The following PARP8 variants were observed in gnomAD, a reference collection of about 807,000 sequenced individuals.
PARP8 encodes the protein protein mono-ADP-ribosyltransferase PARP8.
Under a neutral mutation model 124.1 loss-of-function variants are expected in PARP8, and 51 were observed. The ratio of observed to expected loss-of-function variants is 0.41; its 90% CI spans 0.33 to 0.52. The LOEUF (loss-of-function observed/expected upper bound fraction) is 0.52, where lower values mean the gene tolerates loss of function less well. Ranked by LOEUF, PARP8 falls within the 20% of genes least tolerant of loss-of-function variation. The probability of loss-of-function intolerance (pLI) is 0.21; values close to 1 mark genes in which losing one functional copy is unlikely to be tolerated. For synonymous variants in PARP8, 391 were observed against 361.5 expected (o/e 1.08, Z -0.93); for missense variants, 860 against 1,018.9 (o/e 0.84, Z 2.12).
intron 17 of PARP8, 27 bp downstream of exon 17, chr5:50,822,427 G>A (rs761443498): frequency 6.5e-6 from 10 of 1,535,588 alleles, no homozygotes; most frequent in Admixed American, 1.8e-5. Flanking sequence ...GTCTTGTACA[G>A]TATATTTTTA....
intron 16 of PARP8, 26 bp from the exon 17 acceptor site, chr5:50,822,309 T>C (rs756104751): frequency 1.3e-6 from 2 of 1,559,124 alleles, no homozygotes; most frequent in South Asian, 2.2e-5. Context: ...AATGCTGTTT[T>C]TTAACATCAC....
At chr5:50,832,030 C>G (rs1747045928) in intron 22 of PARP8, among the ~76,000 whole-genome samples, 1 of 152,146 alleles carries the variant, frequency 6.6e-6, no homozygotes. Flanking sequence ...TGTCCCCATC[C>G]ACCCCTCCAC....
At chr5:50,722,767 C>A (rs1324597504) in intron 2 of PARP8, among the ~76,000 whole-genome samples, 1 of 152,064 alleles carries the variant, frequency 6.6e-6, no homozygotes, top group Non-Finnish European at 1.5e-5. Context: ...AGATTCTATG[C>A]ATCTGGTATG....
intron 2 of PARP8, among the ~76,000 whole-genome samples, chr5:50,712,350 T>C (rs1754846936): frequency 6.6e-6 from 1 of 152,142 alleles, no homozygotes; most frequent in African/African-American, 2.4e-5. Context: ...GGAGCACCTA[T>C]AATACAACAA....
intron 7 of PARP8, among the ~76,000 whole-genome samples, chr5:50,774,533 C>T (rs1328380709): frequency 4.5e-5 from 6 of 134,012 alleles, no homozygotes; most frequent in Non-Finnish European, 7.9e-5. Context: ...GGTGGCCGGG[C>T]AGAGGCGCTC....
chr5:50,845,969 G>A lies in PARP8; in HGVS notation c.*3901G>A, dbSNP rs1412211048. ...TTTTGTATACATTATGGAATATTAGGATAAGTTTTTGTAGGTCAGAAGAAT... is the reference window on the plus strand; with the variant it reads ...TTTTGTATACATTATGGAATATTAGAATAAGTTTTTGTAGGTCAGAAGAAT... On this transcript the variant is annotated 3_prime_UTR_variant, in exon 26 of 26. Transcript: ENST00000281631. 2.0e-5 allele frequency: 3 copies of A among 151,706 alleles called. No homozygotes were observed. Among genetic ancestry groups the A allele is most frequent in the East Asian group, 3.9e-4 (2 of 5,168 alleles). The allele number at this position is 151,706 out of a possible 1,614,324, so 9.4% of individuals were successfully genotyped here. A position where few individuals can be genotyped will look rare whatever the true frequency, so the allele number is the denominator to read the frequency against.
chr5:50,842,335 GA>G lies in PARP8; in HGVS notation c.*273del, dbSNP rs1561458463. On this transcript the variant is annotated 3_prime_UTR_variant, in exon 26 of 26. Coordinates refer to ENST00000281631, the MANE Select transcript of PARP8 (RefSeq NM_024615.4). ...GGGTTGCTCATACAATAAACAGATTGAAAAAACTGTTTTGTGCTGATATTTT... is the reference window on the plus strand; with the variant it reads ...GGGTTGCTCATACAATAAACAGATTGAAAAACTGTTTTGTGCTGATATTTT... The G allele has an allele frequency of 1.6e-5, 4 of 254,414 alleles. No homozygotes were observed. Among genetic ancestry groups the G allele is most frequent in the Middle Eastern group, 2.5e-3 (2 of 792 alleles). The allele number at this position is 254,414 out of a possible 1,614,324, so 15.8% of individuals were successfully genotyped here. A position where few individuals can be genotyped will look rare whatever the true frequency, so the allele number is the denominator to read the frequency against.
intron 6 of PARP8, among the ~76,000 whole-genome samples, chr5:50,762,439 T>G (rs189841787): frequency 3.2e-4 from 49 of 152,284 alleles, no homozygotes; most frequent in African/African-American, 1.1e-3. Context: ...ATCAGAATTT[T>G]TCAGGATAAT....
chr5:50,798,451 C>T (rs1333998607), intron 14 of PARP8, among the ~76,000 whole-genome samples: 5 of 147,038 alleles, frequency 3.4e-5, no homozygotes, highest in South Asian at 2.1e-4. Flanking sequence ...GACAGAGTCT[C>T]GCTCTGTCAC....
chr5:50,805,702 T>A (rs1325142456), intron 14 of PARP8, among the ~76,000 whole-genome samples: 1 of 152,088 alleles, frequency 6.6e-6, no homozygotes, highest in African/African-American at 2.4e-5. Context: ...TTTATACTTT[T>A]AAAAAACATG....
At chr5:50,751,204 A>AGT (rs1423254564) in intron 3 of PARP8, among the ~76,000 whole-genome samples, 1 of 152,136 alleles carries the variant, frequency 6.6e-6, no homozygotes, top group Admixed American at 6.6e-5. Flanking sequence ...AGATGCCTTT[A>AGT]GTAAACCAAG....
intron 23 of PARP8, 148 bp downstream of exon 23, chr5:50,833,002 G>A (rs1299723240): frequency 3.0e-6 from 2 of 657,278 alleles, no homozygotes; most frequent in Non-Finnish European, 5.2e-6. Context: ...CTGAAATGCA[G>A]TAACTGAATT....
At chr5:50,743,609 A>G (rs1220709256) in intron 2 of PARP8, among the ~76,000 whole-genome samples, 4 of 152,106 alleles carry the variant, frequency 2.6e-5, no homozygotes, top group African/African-American at 9.7e-5. Context: ...CTCAGGTTTC[A>G]ACTGCTGACT....
At chr5:50,828,849 C>T (rs182973305) in intron 21 of PARP8, among the ~76,000 whole-genome samples, 1 of 151,820 alleles carries the variant, frequency 6.6e-6, no homozygotes, top group African/African-American at 2.4e-5. Context: ...TGAGATCACA[C>T]CACTGTACCT....
intron 10 of PARP8, among the ~76,000 whole-genome samples, chr5:50,789,840 C>G (rs1330674347): frequency 1.3e-5 from 2 of 152,104 alleles, no homozygotes. Context: ...TCTATATGAT[C>G]ACTTTTATTT....
chr5:50,669,563 C>T (rs952829698), intron 2 of PARP8: 3 of 152,160 alleles, frequency 2.0e-5, no homozygotes, highest in Non-Finnish European at 2.9e-5. Context: ...GTTTACTTAT[C>T]TGTACAATCA....
chr5:50,822,262 C>T (rs528926464), intron 16 of PARP8, 73 bp from the exon 17 acceptor site: 266 of 1,007,964 alleles, frequency 2.6e-4, no homozygotes, highest in Admixed American at 4.3e-4. Context: ...TAATATATTT[C>T]TCTAGTGATA....
chr5:50,701,786 G>C (rs1753623714), intron 2 of PARP8, among the ~76,000 whole-genome samples: 1 of 152,126 alleles, frequency 6.6e-6, no homozygotes, highest in Non-Finnish European at 1.5e-5. Flanking sequence ...TAGGGTACCT[G>C]CTGAGTTTTT....
intron 25 of PARP8, among the ~76,000 whole-genome samples, chr5:50,841,195 ATTAAT>A (rs1454881933): frequency 6.6e-6 from 1 of 151,880 alleles, no homozygotes; most frequent in African/African-American, 2.4e-5. Flanking sequence ...ATGAAGTAAA[ATTAAT>A]TTGTCACTTG....
Sources: gnomAD v4.1 joint callset for allele counts (sites outside exome capture counted in the v4.1 genomes callset) on GRCh38, gnomAD v4.1.1 for gene constraint, MANE v1.5 for transcripts, NCBI Gene and HGNC (gene_info 2026-07-23, HGNC 2026-07-21) for gene names.